GPC5: variants seen among roughly 807,000 people sequenced by gnomAD.
GPC5 encodes the protein glypican-5.
A neutral mutation model predicts 53.9 loss-of-function variants in GPC5; 47 were observed. That is an observed-to-expected ratio of 0.87 (90% CI 0.69 to 1.11). The LOEUF (loss-of-function observed/expected upper bound fraction) is 1.11. Ranked by LOEUF, GPC5 falls within the 50% of genes most tolerant of loss-of-function variation. GPC5 has a pLI of 0.00. For missense variants in GPC5, 748 were observed against 713.1 expected, an observed-to-expected ratio of 1.05 and a Z score of -0.56; for synonymous variants, 286 against 263.3, an observed-to-expected ratio of 1.09 and a Z score of -0.84.
At chr13:91,858,478 CAT>C (rs2038991153) in intron 5 of GPC5, among the ~76,000 whole-genome samples, 1 of 151,902 alleles carries the variant, frequency 6.6e-6, no homozygotes, top group Non-Finnish European at 1.5e-5. Flanking sequence ...AATTGATTTG[CAT>C]ATGTTTAACT....
At chr13:91,447,252 C>T (rs1172766769) in intron 1 of GPC5, among the ~76,000 whole-genome samples, 1 of 151,774 alleles carries the variant, frequency 6.6e-6, no homozygotes, top group East Asian at 1.9e-4. Context: ...TAGTTCTTTT[C>T]CTCAATCTCT....
intron 7 of GPC5, among the ~76,000 whole-genome samples, chr13:92,328,875 C>T (rs2043270038): frequency 6.6e-6 from 1 of 152,118 alleles, no homozygotes. Flanking sequence ...TGACTCTCTA[C>T]TTAGGACTTC....
chr13:91,797,460 G>A (rs1337442548), intron 5 of GPC5, among the ~76,000 whole-genome samples: 3 of 152,162 alleles, frequency 2.0e-5, no homozygotes, highest in South Asian at 2.1e-4. Flanking sequence ...TTAAAATTCC[G>A]AATTTTTGTT....
At chr13:92,171,101 A>G (rs1254206025) in intron 7 of GPC5, among the ~76,000 whole-genome samples, 5 of 152,016 alleles carry the variant, frequency 3.3e-5, no homozygotes, top group East Asian at 1.9e-4. Flanking sequence ...AATTTCCTCA[A>G]CTTTGTTCCA....
intron 5 of GPC5, among the ~76,000 whole-genome samples, chr13:91,852,041 G>A (rs1370938971): frequency 6.6e-6 from 1 of 151,500 alleles, no homozygotes; most frequent in Non-Finnish European, 1.5e-5. Flanking sequence ...GGGTCAAATG[G>A]TATTTCCAGT....
intron 7 of GPC5, among the ~76,000 whole-genome samples, chr13:92,631,071 A>G (rs952858763): frequency 2.0e-5 from 3 of 152,116 alleles, no homozygotes; most frequent in Non-Finnish European, 2.9e-5. Flanking sequence ...AACATAAAAT[A>G]TATCATATAC....
intron 7 of GPC5, among the ~76,000 whole-genome samples, chr13:92,554,937 G>GTTTTTTTTTTTTTTTTTTTTTTTT (rs148890213): frequency 6.8e-6 from 1 of 147,136 alleles, no homozygotes. Context: ...TAAGTTTTGA[G>GTTTTTTTTTTTTTTTTTTTTTTTT]TTTGTTTTTT....
intron 6 of GPC5, among the ~76,000 whole-genome samples, chr13:91,917,244 A>T (rs1282423008): frequency 6.6e-6 from 1 of 152,224 alleles, no homozygotes; most frequent in Non-Finnish European, 1.5e-5. Context: ...TGCAAGTCTG[A>T]AATCCAATAG....
chr13:92,484,708 T>C (rs1462183494), intron 7 of GPC5: 1 of 152,146 alleles, frequency 6.6e-6, no homozygotes, highest in East Asian at 1.9e-4. Context: ...ATAGGTCAGA[T>C]GTGCCTTGAA....
chr13:92,355,902 G>C (rs1359232749), intron 7 of GPC5, among the ~76,000 whole-genome samples: 1 of 50,414 alleles, frequency 2.0e-5, no homozygotes, highest in Non-Finnish European at 4.5e-5. Flanking sequence ...TTTTTTTTTT[G>C]CTAAATTGCT....
chr13:91,612,900 G>C (rs2033596591), intron 2 of GPC5, among the ~76,000 whole-genome samples: 1 of 152,150 alleles, frequency 6.6e-6, no homozygotes, highest in Non-Finnish European at 1.5e-5. Flanking sequence ...TCTGGTAGGT[G>C]ACCTGAATAG....
chr13:91,788,202 C>A (rs977892630), intron 5 of GPC5, among the ~76,000 whole-genome samples: 1 of 152,150 alleles, frequency 6.6e-6, no homozygotes, highest in East Asian at 1.9e-4. Context: ...GTAGTGAGGG[C>A]CTTCTTCCTG....
chr13:91,808,326 A>T (rs1337453876), intron 5 of GPC5, among the ~76,000 whole-genome samples: 1 of 152,106 alleles, frequency 6.6e-6, no homozygotes, highest in African/African-American at 2.4e-5. Context: ...TTGGTTATTG[A>T]TTGTAGCTCT....
chr13:92,100,803 A>G (rs1161066752), intron 6 of GPC5, among the ~76,000 whole-genome samples: 2 of 152,210 alleles, frequency 1.3e-5, no homozygotes, highest in Non-Finnish European at 2.9e-5. Flanking sequence ...CTATAGCATT[A>G]AAGTTAATTC....
intron 2 of GPC5, among the ~76,000 whole-genome samples, chr13:91,589,622 A>G (rs930148597): frequency 6.6e-6 from 1 of 152,156 alleles, no homozygotes. Context: ...ATGAGCAAAA[A>G]GTTACTGGTT....
chr13:91,457,184 T>A (rs1197280079), intron 2 of GPC5, among the ~76,000 whole-genome samples: 1 of 152,132 alleles, frequency 6.6e-6, no homozygotes, highest in African/African-American at 2.4e-5. Context: ...TGTATCAAAA[T>A]ATTTAGTTTT....
chr13:92,826,744 T>G (rs1324938299), intron 7 of GPC5, among the ~76,000 whole-genome samples: 1 of 152,152 alleles, frequency 6.6e-6, no homozygotes, highest in Non-Finnish European at 1.5e-5. Context: ...TTACCAGCAT[T>G]AACGTATCTC....
chr13:92,675,009 T>G (rs1222177655), intron 7 of GPC5, among the ~76,000 whole-genome samples: 1 of 152,182 alleles, frequency 6.6e-6, no homozygotes, highest in African/African-American at 2.4e-5. Flanking sequence ...TTGTTATCTT[T>G]GCTGTTTTGA....
intron 1 of GPC5, among the ~76,000 whole-genome samples, chr13:91,405,527 C>A (rs1042303657): frequency 2.0e-5 from 3 of 152,168 alleles, no homozygotes; most frequent in Admixed American, 2.0e-4. Context: ...CTCAAGTTCA[C>A]GAAACTAGGT....
Sources: allele counts gnomAD v4.1 joint callset (sites outside exome capture counted in the v4.1 genomes callset), GRCh38; gene constraint gnomAD v4.1.1; transcripts MANE v1.5; gene names NCBI Gene and HGNC (gene_info 2026-07-23, HGNC 2026-07-21).